Variants in TFAP2D observed in about 807,000 individuals in gnomAD.
The protein encoded by TFAP2D is transcription factor AP-2-delta.
A neutral mutation model predicts 43.6 loss-of-function variants in TFAP2D; 9 were observed. That is an observed-to-expected ratio of 0.21 (90% CI 0.12 to 0.36). The LOEUF is 0.36. Ranked by LOEUF, TFAP2D falls within the 10% of genes least tolerant of loss-of-function variation. The pLI is 1.00. For synonymous variants in TFAP2D, 256 were observed against 224.9 expected (o/e 1.14, Z -1.24); for missense variants, 513 against 561.4 (o/e 0.91, Z 0.87).
At position 50,719,268 on chromosome 6, in the gene TFAP2D, T is replaced by G. The variant is rs1581757689; in HGVS notation, c.598+118T>G. 3.4e-5 allele frequency: 36 copies of G among 1,069,244 alleles called. No individual in the cohort carries two copies. The East Asian group carries it at 9.3e-4, about 28-fold the overall frequency. The allele number at this position is 1,069,244 out of a possible 1,614,324, so 66.2% of individuals were successfully genotyped here. On this transcript the variant is annotated intron_variant, in intron 3 of 7. Coordinates refer to ENST00000008391, the MANE Select transcript of TFAP2D (RefSeq NM_172238.4). ...TGATGATTAAGAAAACAATTATGCT[T>G]AGTCAATTATTCTAGTCCAACACTG...
At chr6:50,724,095 G>A (rs182599324) in intron 3 of TFAP2D, among the ~76,000 whole-genome samples, 7 of 151,626 alleles carry the variant, frequency 4.6e-5, no homozygotes, top group South Asian at 2.1e-4. Flanking sequence ...CTGCTGCCGT[G>A]GGGGGAGAGG....
intron 7 of TFAP2D, among the ~76,000 whole-genome samples, chr6:50,757,378 T>C (rs1241403695): frequency 7.4e-6 from 1 of 135,236 alleles, no homozygotes; most frequent in Non-Finnish European, 1.5e-5. Flanking sequence ...ATAGAATACA[T>C]GTAATTATTC....
chr6:50,747,237 C>T (rs181737744), intron 6 of TFAP2D, among the ~76,000 whole-genome samples: 9 of 152,090 alleles, frequency 5.9e-5, no homozygotes, highest in African/African-American at 2.2e-4. Flanking sequence ...CCAAAAGGAG[C>T]TGAAAGCACA....
Position 50,728,937 on chromosome 6 carries a change from A to C in TFAP2D, c.680A>C (p.Tyr227Ser). The change falls in exon 4 of 8, where the codon TAC (tyrosine) becomes TCC (serine). Residue 227 changes from tyrosine (Y) to serine (S), a missense_variant. Around this residue, in one of 3 missense-constraint regions of TFAP2D, gnomAD observed 311 missense variants for 316.2 expected, o/e 0.98. Coordinates refer to ENST00000008391, the MANE Select transcript of TFAP2D (RefSeq NM_172238.4). ...TCCCTTCTTAGTTCTACTTCCAAAT[A>C]CAAGGTGACCATTGCTGAGGTAAAG... ...RLSLLSSTSK[Y>S]KVTIAEVKRR... 1 of 1,613,984 alleles carries C rather than the reference A, an allele frequency of 6.2e-7. No individual in the cohort carries two copies. Among genetic ancestry groups the C allele is most frequent in the South Asian group, 1.1e-5 (1 of 91,066 alleles).
At chr6:50,738,139 T>G (rs915369256) in intron 5 of TFAP2D, among the ~76,000 whole-genome samples, 1 of 152,150 alleles carries the variant, frequency 6.6e-6, no homozygotes, top group African/African-American at 2.4e-5. Flanking sequence ...AAAAAAACCC[T>G]CTATTATGAA....
At chr6:50,762,768 A>T (rs1188386819) in intron 7 of TFAP2D, among the ~76,000 whole-genome samples, 7 of 152,128 alleles carry the variant, frequency 4.6e-5, no homozygotes, top group Non-Finnish European at 1.0e-4. Context: ...TATTGTTCAC[A>T]GTCAGTTGTC....
chr6:50,751,589 C>T (rs1441421656), intron 7 of TFAP2D, among the ~76,000 whole-genome samples: 1 of 151,930 alleles, frequency 6.6e-6, no homozygotes, highest in Non-Finnish European at 1.5e-5. Flanking sequence ...TCAGAGATGG[C>T]ACCGTCTCCA....
At chr6:50,725,845 A>G (rs538835628) in intron 3 of TFAP2D, among the ~76,000 whole-genome samples, 1 of 152,282 alleles carries the variant, frequency 6.6e-6, no homozygotes, top group African/African-American at 2.4e-5. Flanking sequence ...GTTGCTGTAA[A>G]CTCTACAAGT....
intron 7 of TFAP2D, among the ~76,000 whole-genome samples, chr6:50,757,442 AT>A (rs1769289844): frequency 1.9e-5 from 2 of 102,866 alleles, no homozygotes; most frequent in South Asian, 2.7e-4. Context: ...TAGAATATAT[AT>A]ACTTATTCTA....
chr6:50,767,582 T>C (rs913886287), intron 7 of TFAP2D, among the ~76,000 whole-genome samples: 1 of 152,204 alleles, frequency 6.6e-6, no homozygotes, highest in Non-Finnish European at 1.5e-5. Context: ...CAAGTTTCTA[T>C]CCTTTGGAAG....
At chr6:50,723,291 G>C (rs1463272061) in intron 3 of TFAP2D, among the ~76,000 whole-genome samples, 1 of 152,222 alleles carries the variant, frequency 6.6e-6, no homozygotes. Flanking sequence ...CCTCAAGGCC[G>C]GCAGCAGGCT....
At chr6:50,724,204 G>A (rs1672405476) in intron 3 of TFAP2D, among the ~76,000 whole-genome samples, 1 of 151,978 alleles carries the variant, frequency 6.6e-6, no homozygotes, top group African/African-American at 2.4e-5. Context: ...CAACTCACAG[G>A]CGCACCTCGC....
Position 50,747,457 on chromosome 6 carries a change from G to A in TFAP2D, c.1025+2209G>A, listed in dbSNP as rs114306824. ...CCAAAATACAAATTTCCAAGAGAAA[G>A]CACCTTCATTTTTCCTACATCAAAA... On this transcript the variant is annotated intron_variant, in intron 6 of 7. Transcript: ENST00000008391. Among the ~76,000 whole-genome samples, 173 of 152,156 alleles carry A rather than the reference G, an allele frequency of 1.1e-3. 2 individuals carry two copies. The highest frequency in any genetic ancestry group is 4.2e-3 in the African/African-American group (173 of 41,546).
intron 5 of TFAP2D, among the ~76,000 whole-genome samples, chr6:50,734,480 C>T (rs1240760231): frequency 6.6e-6 from 1 of 152,018 alleles, no homozygotes; most frequent in Non-Finnish European, 1.5e-5. Flanking sequence ...TGTGAATGTT[C>T]ATTATCAGGG....
At chr6:50,736,521 G>A (rs1037469280) in intron 5 of TFAP2D, among the ~76,000 whole-genome samples, 1 of 152,068 alleles carries the variant, frequency 6.6e-6, no homozygotes, top group Non-Finnish European at 1.5e-5. Context: ...TGGTTTCAAT[G>A]AACCTAAAAT....
intron 3 of TFAP2D, among the ~76,000 whole-genome samples, chr6:50,728,563 A>C (rs1190767034): frequency 6.6e-6 from 1 of 152,192 alleles, no homozygotes; most frequent in Non-Finnish European, 1.5e-5. Flanking sequence ...AGTGTTTCTT[A>C]GTGTGGATGT....
intron 7 of TFAP2D, among the ~76,000 whole-genome samples, chr6:50,764,481 C>T (rs942409242): frequency 2.0e-5 from 3 of 152,128 alleles, no homozygotes; most frequent in Non-Finnish European, 2.9e-5. Context: ...TTTAGCTATT[C>T]ATTAATTCAA....
At chr6:50,722,033 T>C (rs1457065785) in intron 3 of TFAP2D, among the ~76,000 whole-genome samples, 1 of 152,246 alleles carries the variant, frequency 6.6e-6, no homozygotes, top group Non-Finnish European at 1.5e-5. Context: ...AAGAACAAAA[T>C]AGCGTCGCCC....
intron 7 of TFAP2D, among the ~76,000 whole-genome samples, chr6:50,762,350 C>T (rs553732824): frequency 1.3e-5 from 2 of 152,044 alleles, no homozygotes; most frequent in South Asian, 2.1e-4. Flanking sequence ...CACACACACT[C>T]TTTCTCTCTC....
Sources: gnomAD v4.1 joint callset for allele counts (sites outside exome capture counted in the v4.1 genomes callset) on GRCh38, gnomAD v4.1.1 for gene constraint, gnomAD v4.1.1 regional missense constraint, MANE v1.5 for transcripts, NCBI Gene and HGNC (gene_info 2026-07-23, HGNC 2026-07-21) for gene names.